The following DLG2 variants were observed in gnomAD, a reference collection of about 807,000 sequenced individuals.
DLG2 encodes disks large homolog 2.
A neutral mutation model predicts 132.5 loss-of-function variants in DLG2; 45 were observed. The ratio of observed to expected loss-of-function variants is 0.34; its 90% CI spans 0.27 to 0.44. The LOEUF (loss-of-function observed/expected upper bound fraction) is 0.44, where lower values mean the gene tolerates loss of function less well. Ranked by LOEUF, DLG2 falls within the 20% of genes least tolerant of loss-of-function variation. The pLI is 1.00. For missense variants in DLG2, 1,045 were observed against 1,196.9 expected, an observed-to-expected ratio of 0.87 and a Z score of 1.87; for synonymous variants, 424 against 419.6, an observed-to-expected ratio of 1.01 and a Z score of -0.13.
intron 8 of DLG2, among the ~76,000 whole-genome samples, chr11:84,234,046 C>T (rs778630201): frequency 2.6e-5 from 4 of 152,162 alleles, no homozygotes; most frequent in Non-Finnish European, 4.4e-5. Flanking sequence ...ATAGGACCTT[C>T]TAGGGACATT....
At chr11:83,902,827 T>C (rs960491209) in intron 15 of DLG2, among the ~76,000 whole-genome samples, 7 of 152,182 alleles carry the variant, frequency 4.6e-5, no homozygotes, top group African/African-American at 1.7e-4. Context: ...CTGGAAATGA[T>C]GCTGAAGAGT....
chr11:84,560,591 A>G (rs1199073193), intron 6 of DLG2, among the ~76,000 whole-genome samples: 1 of 152,120 alleles, frequency 6.6e-6, no homozygotes, highest in Non-Finnish European at 1.5e-5. Flanking sequence ...GGGTCTTCTT[A>G]TAAAATATTC....
At chr11:84,957,755 C>CA (rs1277630556) in intron 6 of DLG2, among the ~76,000 whole-genome samples, 2 of 152,036 alleles carry the variant, frequency 1.3e-5, no homozygotes, top group Admixed American at 6.6e-5. Flanking sequence ...GTATATTTTT[C>CA]AAAAAAAGAG....
intron 6 of DLG2, chr11:84,923,508 AAT>A: frequency 9.7e-7 from 1 of 1,034,550 alleles, no homozygotes; most frequent in South Asian, 3.5e-5. Context: ...AAATTTAACC[AAT>A]GAGTTACTTA....
At chr11:85,061,119 G>A (rs1286719443) in intron 6 of DLG2, among the ~76,000 whole-genome samples, 3 of 151,386 alleles carry the variant, frequency 2.0e-5, no homozygotes, top group Non-Finnish European at 4.4e-5. Flanking sequence ...TATATATTCC[G>A]AATATTAACT....
At chr11:84,044,428 G>A (rs2096190616) in intron 11 of DLG2, among the ~76,000 whole-genome samples, 1 of 151,640 alleles carries the variant, frequency 6.6e-6, no homozygotes, top group Non-Finnish European at 1.5e-5. Flanking sequence ...TGTCCTTTGT[G>A]CCTAGAATTA....
intron 6 of DLG2, among the ~76,000 whole-genome samples, chr11:84,968,731 T>C (rs1367916147): frequency 3.9e-5 from 6 of 152,188 alleles, no homozygotes; most frequent in East Asian, 1.9e-4. Flanking sequence ...ATTATAACTT[T>C]TGTTTTATAC....
In DLG2 at chr11:85,238,835, C is replaced by CT. The variant is rs887562807; in HGVS notation, c.186+46384dup. 2.0e-3 allele frequency among the ~76,000 whole-genome samples: 290 copies of CT among 144,100 alleles called. 2 individuals carry two copies. Among genetic ancestry groups the CT allele is most frequent in the African/African-American group, 5.3e-3 (211 of 39,540 alleles). The allele number at this position is 144,100 out of a possible 152,430, so 94.5% of individuals were successfully genotyped here. On this transcript the variant is annotated intron_variant, in intron 4 of 27. Transcript: ENST00000376104. ...GTGACAGCTTCACAAATTTTCTTTT[C>CT]TTTTTTTTTTTTAACAATCATCCTT... is the stretch of plus-strand genomic sequence containing the variant.
chr11:83,807,893 T>C (rs1156302967), intron 17 of DLG2, among the ~76,000 whole-genome samples: 2 of 152,092 alleles, frequency 1.3e-5, no homozygotes, highest in Non-Finnish European at 2.9e-5. Flanking sequence ...ACACACTGTG[T>C]CCTTTCTCCC....
In DLG2 at chr11:84,211,901, A is replaced by G. The variant is rs2096760535; in HGVS notation, c.573+39337T>C. Reference sequence around the variant, plus strand: ...AGATGGCTCCAACATTTCCAAACTTAGAATATATGCTATACTTCTATTCTA... The same window carrying G: ...AGATGGCTCCAACATTTCCAAACTTGGAATATATGCTATACTTCTATTCTA... On this transcript the variant is annotated intron_variant, in intron 8 of 27. Coordinates refer to ENST00000376104, the MANE Select transcript of DLG2 (RefSeq NM_001142699.3). 2.0e-5 allele frequency among the ~76,000 whole-genome samples: 3 copies of G among 152,196 alleles called. No individual in the cohort carries two copies. In the South Asian group the frequency reaches 6.2e-4, roughly 31 times the overall value.
chr11:84,821,651 C>CA lies in DLG2; in HGVS notation c.358-286921dup, dbSNP rs1452375406. ...GTAAAAAAAAAAAAAACAACAACAA[C>CA]AAAAAAAACAAAAAAACAACTTTGG... is the stretch of plus-strand genomic sequence containing the variant. On this transcript the variant is annotated intron_variant, in intron 6 of 27. Coordinates refer to ENST00000376104, the MANE Select transcript of DLG2 (RefSeq NM_001142699.3). Among the ~76,000 whole-genome samples the CA allele has an allele frequency of 1.0e-3, 124 of 121,056 alleles. 2 individuals carry two copies. The East Asian group carries it at 0.022, about 22-fold the overall frequency. The allele number at this position is 121,056 out of a possible 152,430, so 79.4% of individuals were successfully genotyped here.
intron 6 of DLG2, among the ~76,000 whole-genome samples, chr11:84,762,495 G>C (rs1430362885): frequency 6.6e-6 from 1 of 152,128 alleles, no homozygotes; most frequent in African/African-American, 2.4e-5. Context: ...GCTTAGGTCA[G>C]GTCAGAGGGA....
chr11:83,940,182 T>C (rs1480188677), intron 14 of DLG2, among the ~76,000 whole-genome samples: 1 of 152,174 alleles, frequency 6.6e-6, no homozygotes. Flanking sequence ...CCTTTACATA[T>C]ATTGGTCCTT....
intron 18 of DLG2, among the ~76,000 whole-genome samples, chr11:83,666,768 G>C (rs2075672166): frequency 6.6e-6 from 1 of 152,186 alleles, no homozygotes; most frequent in Non-Finnish European, 1.5e-5. Flanking sequence ...TGATACCCAA[G>C]AGAGGTCCCA....
intron 9 of DLG2, among the ~76,000 whole-genome samples, chr11:84,150,924 T>C (rs2095272849): frequency 1.3e-5 from 2 of 152,224 alleles, no homozygotes; most frequent in African/African-American, 2.4e-5. Flanking sequence ...GATTTGCATA[T>C]ATGGAGCCAA....
rs115985547 is a variant in DLG2 at position 83,927,319 on chromosome 11, A to G, written c.1496+3009T>C. 4.2e-3 allele frequency among the ~76,000 whole-genome samples: 634 copies of G among 152,306 alleles called. 5 individuals carry two copies. The highest frequency in any genetic ancestry group is 0.015 in the African/African-American group (606 of 41,570). ...ACAGTCATGAAAATCACATAAATAA[A>G]TGTACAATTATAAATTGCTTGAGTC... On this transcript the variant is annotated intron_variant, in intron 15 of 27. Transcript: ENST00000376104.
chr11:83,590,706 G>A (rs931370263), intron 19 of DLG2, among the ~76,000 whole-genome samples: 176 of 152,232 alleles, frequency 1.2e-3, no homozygotes, highest in Admixed American at 2.7e-3. Context: ...CCAGGAGCTG[G>A]TTTTTTGAAA....
At chr11:85,283,321 A>G (rs987881368) in intron 4 of DLG2, among the ~76,000 whole-genome samples, 1 of 151,946 alleles carries the variant, frequency 6.6e-6, no homozygotes, top group East Asian at 1.9e-4. Context: ...ATGAAAGCCT[A>G]GAAAAAAATA....
intron 4 of DLG2, among the ~76,000 whole-genome samples, chr11:85,222,678 T>C (rs977956493): frequency 2.0e-4 from 31 of 152,222 alleles, no homozygotes; most frequent in African/African-American, 7.5e-4. Context: ...ACTGTGCTTT[T>C]AACTACTCTG....
Sources: allele counts gnomAD v4.1 joint callset (sites outside exome capture counted in the v4.1 genomes callset), GRCh38; gene constraint gnomAD v4.1.1; transcripts MANE v1.5; gene names NCBI Gene and HGNC (gene_info 2026-07-23, HGNC 2026-07-21).